The following EYS variants were observed in gnomAD, a reference collection of about 807,000 sequenced individuals.
EYS encodes the protein protein eyes shut homolog.
A neutral mutation model predicts 282.1 loss-of-function variants in EYS; 250 were observed. The observed-to-expected ratio is 0.89, with a 90% CI of 0.80 to 0.98. The LOEUF is 0.98. Ranked by LOEUF, EYS falls within the 50% of genes least tolerant of loss-of-function variation. EYS has a pLI of 0.00. For synonymous variants in EYS, 1,355 were observed against 1,282.9 expected (o/e 1.06, Z -1.20); for missense variants, 4,016 against 3,709.0 (o/e 1.08, Z -2.15).
rs865935857 is a variant in EYS at position 64,703,427 on chromosome 6, A to T, written c.3444-77182T>A. On this transcript the variant is annotated intron_variant, in intron 22 of 42. Coordinates refer to ENST00000503581, the MANE Select transcript of EYS (RefSeq NM_001142800.2). ...CACACACACATATATATATATATAT[A>T]TATTTTTTTTTTTTTTTTTTGAGAT... 5.7e-3 allele frequency among the ~76,000 whole-genome samples: 162 copies of T among 28,408 alleles called. 5 individuals are homozygous for T. The highest frequency in any genetic ancestry group is 8.0e-3 in the Admixed American group (15 of 1,880). The allele number at this position is 28,408 out of a possible 152,430, so 18.6% of individuals were successfully genotyped here.
intron 2 of EYS, among the ~76,000 whole-genome samples, chr6:65,629,690 C>CT (rs1213382132): frequency 6.6e-6 from 1 of 152,076 alleles, no homozygotes; most frequent in Non-Finnish European, 1.5e-5. Flanking sequence ...AGAAGACGGC[C>CT]TTCAGGTTTC....
chr6:65,491,983 A>G (rs1766063107), intron 4 of EYS, among the ~76,000 whole-genome samples: 1 of 152,202 alleles, frequency 6.6e-6, no homozygotes, highest in Non-Finnish European at 1.5e-5. Context: ...CCAAGCAAAT[A>G]GATCTCAGAA....
chr6:63,739,859 ATTTTT>A (rs34240759), intron 41 of EYS, among the ~76,000 whole-genome samples: 2 of 123,544 alleles, frequency 1.6e-5, no homozygotes, highest in Non-Finnish European at 3.4e-5. Flanking sequence ...ACGCCCAGCT[ATTTTT>A]TTTTTTTTTT....
chr6:64,060,705 C>T (rs533248778), intron 33 of EYS, among the ~76,000 whole-genome samples: 5 of 152,162 alleles, frequency 3.3e-5, no homozygotes, highest in Admixed American at 6.5e-5. Context: ...GACATGGAGA[C>T]GTCAACAGGA....
At chr6:64,145,033 T>A (rs984619613) in intron 31 of EYS, among the ~76,000 whole-genome samples, 20 of 152,186 alleles carry the variant, frequency 1.3e-4, no homozygotes, top group African/African-American at 4.6e-4. Flanking sequence ...TTTTACCTGA[T>A]AAACTACTTA....
chr6:65,423,991 C>A (rs1346687198), intron 5 of EYS, among the ~76,000 whole-genome samples: 1 of 151,830 alleles, frequency 6.6e-6, no homozygotes, highest in Non-Finnish European at 1.5e-5. Context: ...TGTGTCTTGC[C>A]TTTAGCCCCC....
intron 41 of EYS, among the ~76,000 whole-genome samples, chr6:63,754,434 C>T (rs1324704402): frequency 2.0e-5 from 3 of 152,122 alleles, no homozygotes; most frequent in African/African-American, 7.2e-5. Context: ...TGAGTGAGAA[C>T]ATGTGGTGTT....
chr6:65,009,921 C>T (rs1185414994), intron 13 of EYS, among the ~76,000 whole-genome samples: 1 of 152,186 alleles, frequency 6.6e-6, no homozygotes, highest in Non-Finnish European at 1.5e-5. Flanking sequence ...CTTGGCATAA[C>T]AGGTTTCTGC....
intron 31 of EYS, among the ~76,000 whole-genome samples, chr6:64,147,924 C>G (rs1774573791): frequency 6.6e-6 from 1 of 152,118 alleles, no homozygotes; most frequent in Non-Finnish European, 1.5e-5. Context: ...TTTTGTCAAG[C>G]CAGTGAGACT....
intron 22 of EYS, among the ~76,000 whole-genome samples, chr6:64,791,394 A>G (rs1399668966): frequency 1.3e-5 from 2 of 151,854 alleles, no homozygotes; most frequent in Non-Finnish European, 3.0e-5. Flanking sequence ...ATTCACACAG[A>G]AAGGGCATCA....
intron 31 of EYS, among the ~76,000 whole-genome samples, chr6:64,111,225 T>C (rs1395244644): frequency 6.6e-6 from 1 of 152,040 alleles, no homozygotes; most frequent in Non-Finnish European, 1.5e-5. Context: ...TTGTACCTCA[T>C]TGGCAGAGAC....
intron 28 of EYS, among the ~76,000 whole-genome samples, chr6:64,419,826 T>A (rs1023533001): frequency 6.6e-6 from 1 of 152,206 alleles, no homozygotes; most frequent in African/African-American, 2.4e-5. Flanking sequence ...GTGTTGAATG[T>A]CTGTGGCTTT....
At chr6:65,553,742 C>A (rs551339606) in intron 2 of EYS, among the ~76,000 whole-genome samples, 3 of 151,866 alleles carry the variant, frequency 2.0e-5, no homozygotes, top group Non-Finnish European at 2.9e-5. Flanking sequence ...TTTTTGCCAA[C>A]GTATTAGAAC....
At chr6:64,732,215 T>C (rs1175945406) in intron 22 of EYS, among the ~76,000 whole-genome samples, 1 of 144,198 alleles carries the variant, frequency 6.9e-6, no homozygotes, top group African/African-American at 2.5e-5. Flanking sequence ...ATGTTGGTGA[T>C]GGGTTGCTGG....
chr6:63,765,278 A>T (rs1769758085), intron 40 of EYS, among the ~76,000 whole-genome samples: 1 of 152,054 alleles, frequency 6.6e-6, no homozygotes, highest in African/African-American at 2.4e-5. Flanking sequence ...TGGAGAAATC[A>T]GATTAGTAAG....
chr6:64,023,634 C>G (rs1364330818), intron 33 of EYS, among the ~76,000 whole-genome samples: 1 of 152,240 alleles, frequency 6.6e-6, no homozygotes, highest in Non-Finnish European at 1.5e-5. Context: ...TGCGCCCTCA[C>G]TAGCTCTCGG....
At chr6:64,819,529 G>GA (rs1562208458) in intron 21 of EYS, among the ~76,000 whole-genome samples, 1 of 151,676 alleles carries the variant, frequency 6.6e-6, no homozygotes, top group East Asian at 1.9e-4. Context: ...AAATTTCTTG[G>GA]AAAAAATGAT....
intron 28 of EYS, among the ~76,000 whole-genome samples, chr6:64,393,824 A>G (rs568986348): frequency 6.6e-6 from 1 of 152,184 alleles, no homozygotes; most frequent in East Asian, 1.9e-4. Context: ...TTCATTTAGG[A>G]AAAGAGGAAG....
At chr6:65,398,600 A>G (rs1003988922) in intron 7 of EYS, among the ~76,000 whole-genome samples, 4 of 152,098 alleles carry the variant, frequency 2.6e-5, no homozygotes, top group African/African-American at 9.7e-5. Flanking sequence ...AAATGCAACA[A>G]AACAAAAATA....
Sources: allele counts gnomAD v4.1 joint callset (sites outside exome capture counted in the v4.1 genomes callset), GRCh38; gene constraint gnomAD v4.1.1; transcripts MANE v1.5; gene names NCBI Gene and HGNC (gene_info 2026-07-23, HGNC 2026-07-21).